The following BMPR1B variants were observed in gnomAD, a reference collection of about 807,000 sequenced individuals.
BMPR1B encodes the protein bone morphogenetic protein receptor type-1B.
BMPR1B carries 12 observed loss-of-function variants against 59.1 expected under a neutral mutation model. The ratio of observed to expected loss-of-function variants is 0.20; its 90% CI spans 0.13 to 0.33. BMPR1B has a LOEUF of 0.33. BMPR1B is among the 10% of genes least tolerant of loss of function. The pLI is 1.00. For synonymous variants in BMPR1B, 237 were observed against 207.3 expected, an observed-to-expected ratio of 1.14 and a Z score of -1.23; for missense variants, 550 against 610.9, an observed-to-expected ratio of 0.90 and a Z score of 1.05.
At chr4:95,152,132 A>G (rs1735090737) in intron 11 of BMPR1B, among the ~76,000 whole-genome samples, 2 of 152,154 alleles carry the variant, frequency 1.3e-5, no homozygotes, top group African/African-American at 4.8e-5. Flanking sequence ...GGGTGTCTGT[A>G]ATTTTCTAAA....
At chr4:95,095,684 A>T (rs892661645) in intron 3 of BMPR1B, among the ~76,000 whole-genome samples, 1 of 152,070 alleles carries the variant, frequency 6.6e-6, no homozygotes, top group East Asian at 1.9e-4. Flanking sequence ...CAAAATGATT[A>T]TATGTCACTT....
At chr4:95,116,989 A>G (rs1203729838) in intron 6 of BMPR1B, among the ~76,000 whole-genome samples, 1 of 152,150 alleles carries the variant, frequency 6.6e-6, no homozygotes, top group African/African-American at 2.4e-5. Flanking sequence ...CACCGTGTCA[A>G]TAACTATATT....
At chr4:95,023,373 C>A (rs1418284166) in intron 3 of BMPR1B, among the ~76,000 whole-genome samples, 1 of 152,070 alleles carries the variant, frequency 6.6e-6, no homozygotes, top group Non-Finnish European at 1.5e-5. Flanking sequence ...AGACTCATTT[C>A]TTTTATTTTT....
chr4:94,885,333 A>C (rs1727132301), intron 2 of BMPR1B, among the ~76,000 whole-genome samples: 2 of 152,222 alleles, frequency 1.3e-5, no homozygotes, highest in South Asian at 4.1e-4. Flanking sequence ...GAGCAAGTTG[A>C]AGATGTTGCT....
intron 1 of BMPR1B, among the ~76,000 whole-genome samples, chr4:94,825,385 G>A (rs1354790063): frequency 1.3e-5 from 2 of 151,866 alleles, no homozygotes; most frequent in Non-Finnish European, 2.9e-5. Context: ...TATACCTGTA[G>A]TCCCAGCTAC....
intron 1 of BMPR1B, among the ~76,000 whole-genome samples, chr4:94,850,069 C>G (rs1725509577): frequency 6.6e-6 from 1 of 152,226 alleles, no homozygotes; most frequent in African/African-American, 2.4e-5. Flanking sequence ...CCTCCCACAG[C>G]ACCATGGACA....
At chr4:94,886,402 G>A (rs1727172453) in intron 2 of BMPR1B, among the ~76,000 whole-genome samples, 1 of 152,194 alleles carries the variant, frequency 6.6e-6, no homozygotes, top group Non-Finnish European at 1.5e-5. Flanking sequence ...AATGTTCTCT[G>A]TTAATGATTG....
At chr4:94,965,461 C>G (rs1730519404) in intron 2 of BMPR1B, among the ~76,000 whole-genome samples, 1 of 152,038 alleles carries the variant, frequency 6.6e-6, no homozygotes, top group South Asian at 2.1e-4. Flanking sequence ...CTCCCCACTC[C>G]AAAAAAGATG....
chr4:95,113,349 T>A (rs1444428457), intron 4 of BMPR1B, among the ~76,000 whole-genome samples: 1 of 152,144 alleles, frequency 6.6e-6, no homozygotes, highest in African/African-American at 2.4e-5. Context: ...TGCTGGCTCT[T>A]ATAAAGTGAA....
intron 7 of BMPR1B, 32 bp from the exon 8 acceptor site, chr4:95,124,950 TA>T: frequency 6.3e-7 from 1 of 1,591,104 alleles, no homozygotes; most frequent in African/African-American, 1.3e-5. Context: ...TGCATTTCAT[TA>T]TCTAAAATTA....
intron 2 of BMPR1B, among the ~76,000 whole-genome samples, chr4:94,888,093 A>G (rs917573503): frequency 4.6e-5 from 7 of 152,116 alleles, no homozygotes; most frequent in African/African-American, 1.4e-4. Flanking sequence ...TATTGTTATT[A>G]TTTTTTATTT....
chr4:94,796,401 G>C (rs1181785463), intron 1 of BMPR1B, among the ~76,000 whole-genome samples: 1 of 152,178 alleles, frequency 6.6e-6, no homozygotes, highest in Non-Finnish European at 1.5e-5. Flanking sequence ...ACAGAGTTGT[G>C]ACAGATGTTT....
At chr4:94,835,151 G>A (rs1199262607) in intron 1 of BMPR1B, among the ~76,000 whole-genome samples, 1 of 151,888 alleles carries the variant, frequency 6.6e-6, no homozygotes, top group Non-Finnish European at 1.5e-5. Context: ...CCAAAGAATA[G>A]TGTGGGTTAT....
Position 95,138,806 on chromosome 4 carries a change from G to A in BMPR1B, c.1076+7294G>A, listed in dbSNP as rs7668178. Among the ~76,000 whole-genome samples the A allele has an allele frequency of 5.5e-3, 838 of 152,206 alleles. 11 individuals are homozygous for A. The highest frequency in any genetic ancestry group is 0.019 in the African/African-American group (799 of 41,544). Reference sequence around the variant, plus strand: ...TGCTGTTTATTCTAGTTAGCCATTCGTCTAATCTTTTTTCAAGGTTTTTAG... The same window carrying A: ...TGCTGTTTATTCTAGTTAGCCATTCATCTAATCTTTTTTCAAGGTTTTTAG... On this transcript the variant is annotated intron_variant, in intron 10 of 12. Transcript: ENST00000515059.
At chr4:94,856,176 T>G (rs1210194078) in intron 1 of BMPR1B, among the ~76,000 whole-genome samples, 1 of 152,162 alleles carries the variant, frequency 6.6e-6, no homozygotes, top group Non-Finnish European at 1.5e-5. Context: ...AGAGGTAGTT[T>G]TTGTTGTTGT....
Position 95,154,594 on chromosome 4 carries a change from A to G in BMPR1B, c.1430A>G (p.Asn477Ser), listed in dbSNP as rs1735277379. Residue 477 changes from asparagine to serine, a missense_variant, in exon 13 of 13, where the codon AAT becomes AGT. Transcript: ENST00000515059. ...GKLMTECWAHNPASRLTALRV... is the reference protein window; with the variant it reads ...GKLMTECWAHSPASRLTALRV... Reference sequence around the variant, plus strand: ...CTCATGACAGAATGCTGGGCTCACAATCCTGCATCAAGGCTGACAGCCCTG... The same window carrying G: ...CTCATGACAGAATGCTGGGCTCACAGTCCTGCATCAAGGCTGACAGCCCTG... The G allele has an allele frequency of 6.2e-7, 1 of 1,614,134 alleles. No homozygotes were observed. Among genetic ancestry groups the G allele is most frequent in the East Asian group, 2.2e-5 (1 of 44,888 alleles).
chr4:94,853,572 T>C (rs968407372), intron 1 of BMPR1B, among the ~76,000 whole-genome samples: 23 of 152,182 alleles, frequency 1.5e-4, no homozygotes, highest in African/African-American at 5.1e-4. Flanking sequence ...ACTTTTATTG[T>C]TTTTGGTTTA....
At chr4:94,804,681 A>G (rs1428475977) in intron 1 of BMPR1B, among the ~76,000 whole-genome samples, 2 of 143,582 alleles carry the variant, frequency 1.4e-5, no homozygotes, top group South Asian at 2.1e-4. Flanking sequence ...CTATTCATCC[A>G]GTATTTACTT....
chr4:94,961,993 T>C (rs1053439593), intron 2 of BMPR1B, among the ~76,000 whole-genome samples: 4 of 152,130 alleles, frequency 2.6e-5, no homozygotes, highest in African/African-American at 9.7e-5. Flanking sequence ...TAAATTGTTC[T>C]TAACTATAGT....
Sources: allele counts gnomAD v4.1 joint callset (sites outside exome capture counted in the v4.1 genomes callset), GRCh38; gene constraint gnomAD v4.1.1; transcripts MANE v1.5; gene names NCBI Gene and HGNC (gene_info 2026-07-23, HGNC 2026-07-21).